CTNNA2: variants seen among roughly 807,000 people sequenced by gnomAD.
CTNNA2 encodes the protein catenin alpha-2.
In CTNNA2, 42 loss-of-function variants were observed where a neutral mutation model predicts 101.0. The observed-to-expected ratio is 0.42, with a 90% CI of 0.32 to 0.54. The LOEUF is 0.54. Ranked by LOEUF, CTNNA2 falls within the 20% of genes least tolerant of loss-of-function variation. The pLI, the probability that CTNNA2 is intolerant of heterozygous loss-of-function variation, is 0.14. For missense variants in CTNNA2, 871 were observed against 1,223.1 expected, an observed-to-expected ratio of 0.71 and a Z score of 4.29; for synonymous variants, 450 against 456.4, an observed-to-expected ratio of 0.99 and a Z score of 0.18.
At chr2:80,476,254 A>G (rs4852567) in intron 9 of CTNNA2, among the ~76,000 whole-genome samples, 60,388 of 151,850 alleles carry the variant, frequency 0.4, 13,245 homozygotes, top group East Asian at 0.75. Context: ...TCTCGGGGAC[A>G]CTCTCTCATG....
At chr2:80,406,086 G>A (rs550389251) in intron 8 of CTNNA2, among the ~76,000 whole-genome samples, 23 of 152,298 alleles carry the variant, frequency 1.5e-4, no homozygotes, top group Admixed American at 1.3e-3. Context: ...GGCCACGCGC[G>A]GTGGCTCACG....
chr2:79,577,937 T>G (rs1487106066), intron 1 of CTNNA2, among the ~76,000 whole-genome samples: 1 of 152,210 alleles, frequency 6.6e-6, no homozygotes, highest in Non-Finnish European at 1.5e-5. Context: ...ATAAATTCAT[T>G]TGATAACTGA....
chr2:79,961,825 A>G (rs1406900051), intron 7 of CTNNA2, among the ~76,000 whole-genome samples: 1 of 148,988 alleles, frequency 6.7e-6, no homozygotes, highest in East Asian at 1.9e-4. Flanking sequence ...CCGTCTCAAA[A>G]AAAAAAAAAA....
chr2:79,277,839 A>T (rs963486089), intron 2 of CTNNA2, among the ~76,000 whole-genome samples: 13 of 151,964 alleles, frequency 8.6e-5, no homozygotes, highest in African/African-American at 3.1e-4. Context: ...AATTTACTTT[A>T]TTTGCTCTAG....
intron 1 of CTNNA2, among the ~76,000 whole-genome samples, chr2:79,641,984 A>G (rs535631029): frequency 6.6e-6 from 1 of 152,280 alleles, no homozygotes; most frequent in East Asian, 1.9e-4. Context: ...ATGTATTATT[A>G]GTCTTAACTT....
chr2:80,348,293 G>A lies in CTNNA2; in HGVS notation c.1057-44918G>A, dbSNP rs575944654. On this transcript the variant is annotated intron_variant, in intron 7 of 18. Transcript: ENST00000402739. ...ATTTGAAAATTGATGGATAGCTTTGGTTTATATGGTTATTCTAGACCAGTC... is the reference window on the plus strand; with the variant it reads ...ATTTGAAAATTGATGGATAGCTTTGATTTATATGGTTATTCTAGACCAGTC... Among the ~76,000 whole-genome samples the A allele has an allele frequency of 2.8e-3, 422 of 152,128 alleles. 2 individuals carry two copies. Among genetic ancestry groups the A allele is most frequent in the Non-Finnish European group, 4.4e-3 (298 of 67,980 alleles).
intron 2 of CTNNA2, among the ~76,000 whole-genome samples, chr2:79,270,340 T>C (rs916662181): frequency 4.6e-5 from 7 of 152,154 alleles, no homozygotes; most frequent in African/African-American, 1.7e-4. Flanking sequence ...CTTCTCTTTT[T>C]GGTCCTTTTT....
intron 15 of CTNNA2, among the ~76,000 whole-genome samples, chr2:80,594,973 T>C (rs150347646): frequency 1.7e-3 from 252 of 152,248 alleles, no homozygotes; most frequent in Middle Eastern, 6.8e-3. Flanking sequence ...TCAAGATTGC[T>C]TTGGCTATTT....
At chr2:79,276,337 C>G (rs570878945) in intron 2 of CTNNA2, among the ~76,000 whole-genome samples, 2 of 152,064 alleles carry the variant, frequency 1.3e-5, no homozygotes, top group Admixed American at 1.3e-4. Context: ...GCTAAAATAT[C>G]CTCCTAATGT....
chr2:80,631,431 CTGT>C (rs200655759), intron 18 of CTNNA2, among the ~76,000 whole-genome samples: 3,011 of 144,996 alleles, frequency 0.021, 43 homozygotes, highest in Non-Finnish European at 0.031. Flanking sequence ...TTCCTTTAAT[CTGT>C]TGTTTTGAAA....
chr2:79,477,519 C>G (rs1173288076), intron 4 of CTNNA2, among the ~76,000 whole-genome samples: 2 of 152,098 alleles, frequency 1.3e-5, no homozygotes, highest in Non-Finnish European at 2.9e-5. Flanking sequence ...TTTCTGATTT[C>G]TGGTGTTTGT....
At chr2:80,232,571 T>A (rs1279896787) in intron 7 of CTNNA2, among the ~76,000 whole-genome samples, 2 of 151,968 alleles carry the variant, frequency 1.3e-5, no homozygotes, top group African/African-American at 4.8e-5. Flanking sequence ...TCAGTGAGCA[T>A]GTTAACTGGA....
At chr2:80,545,215 C>G (rs750522996) in intron 10 of CTNNA2, 141 bp downstream of exon 10, 87 of 789,100 alleles carry the variant, frequency 1.1e-4, no homozygotes, top group Non-Finnish European at 1.6e-4. Context: ...TTCTACCTTT[C>G]TCAGAAAGAA....
At chr2:80,037,405 G>A (rs147925400) in intron 7 of CTNNA2, among the ~76,000 whole-genome samples, 1 of 152,090 alleles carries the variant, frequency 6.6e-6, no homozygotes, top group African/African-American at 2.4e-5. Flanking sequence ...TTCTCAACTC[G>A]GTCTCAGTTA....
At chr2:80,177,473 A>C (rs1705467866) in intron 7 of CTNNA2, among the ~76,000 whole-genome samples, 1 of 152,150 alleles carries the variant, frequency 6.6e-6, no homozygotes, top group Non-Finnish European at 1.5e-5. Context: ...CAAATTGGGC[A>C]CTCAGTGGTG....
intron 3 of CTNNA2, 67 bp downstream of exon 3, chr2:79,744,649 A>C (rs1671512970): frequency 1.4e-6 from 2 of 1,393,454 alleles, no homozygotes; most frequent in African/African-American, 2.9e-5. Context: ...CTTTTTCTTT[A>C]GAATCAATGG....
chr2:79,823,006 T>C (rs1256731264), intron 3 of CTNNA2, among the ~76,000 whole-genome samples: 3 of 152,202 alleles, frequency 2.0e-5, no homozygotes, highest in East Asian at 3.9e-4. Flanking sequence ...CAGATACAAT[T>C]TTTTTCTCTT....
chr2:79,865,985 C>T (rs1340116963), intron 4 of CTNNA2, among the ~76,000 whole-genome samples: 1 of 152,250 alleles, frequency 6.6e-6, no homozygotes, highest in Non-Finnish European at 1.5e-5. Flanking sequence ...TCCCGAAGTG[C>T]TGGGATTACA....
chr2:79,272,629 A>G (rs1409672052), intron 2 of CTNNA2, among the ~76,000 whole-genome samples: 1 of 152,112 alleles, frequency 6.6e-6, no homozygotes, highest in African/African-American at 2.4e-5. Context: ...GATTCTTGAG[A>G]ATACTTGGTA....
Sources: allele counts gnomAD v4.1 joint callset (sites outside exome capture counted in the v4.1 genomes callset), GRCh38; gene constraint gnomAD v4.1.1; transcripts MANE v1.5; gene names NCBI Gene and HGNC (gene_info 2026-07-23, HGNC 2026-07-21).